STK32B: variants seen among roughly 807,000 people sequenced by gnomAD.
STK32B encodes the protein serine/threonine kinase 32B, also known as serine/threonine-protein kinase 32B.
A neutral mutation model predicts 52.6 loss-of-function variants in STK32B; 43 were observed. The observed-to-expected ratio is 0.82, with a 90% CI of 0.64 to 1.05. STK32B has a LOEUF of 1.05. Ranked by LOEUF, STK32B falls within the 50% of genes least tolerant of loss-of-function variation. The probability of loss-of-function intolerance (pLI) is 0.00; values close to 1 mark genes in which losing one functional copy is unlikely to be tolerated. For synonymous variants in STK32B, 238 were observed against 204.3 expected (o/e 1.17, Z -1.41); for missense variants, 621 against 534.6 (o/e 1.16, Z -1.59).
chr4:5,093,312 C>T (rs921132068), intron 1 of STK32B, among the ~76,000 whole-genome samples: 4 of 152,082 alleles, frequency 2.6e-5, no homozygotes, highest in Non-Finnish European at 4.4e-5. Flanking sequence ...TCAAAAGAAA[C>T]GTAAACAAAT....
intron 4 of STK32B, among the ~76,000 whole-genome samples, chr4:5,364,020 C>T (rs1029928630): frequency 4.6e-5 from 7 of 151,242 alleles, no homozygotes; most frequent in Non-Finnish European, 8.8e-5. Flanking sequence ...TTGATCCATC[C>T]CCCTGCTGGA....
intron 4 of STK32B, among the ~76,000 whole-genome samples, chr4:5,361,688 G>A (rs80156170): frequency 6.6e-6 from 1 of 152,190 alleles, no homozygotes; most frequent in African/African-American, 2.4e-5. Flanking sequence ...CTAGAATTCT[G>A]TAATAAAGAG....
chr4:5,120,103 T>G (rs1008340242), intron 1 of STK32B, among the ~76,000 whole-genome samples: 1 of 152,214 alleles, frequency 6.6e-6, no homozygotes, highest in African/African-American at 2.4e-5. Context: ...TCCTGCTCAG[T>G]TCCACCCAGG....
At chr4:5,439,810 C>G (rs1714529682) in intron 6 of STK32B, among the ~76,000 whole-genome samples, 1 of 151,748 alleles carries the variant, frequency 6.6e-6, no homozygotes, top group Non-Finnish European at 1.5e-5. Context: ...CCAGTTTCAG[C>G]TTTCTCCATA....
At chr4:5,085,398 T>C (rs1712676754) in intron 1 of STK32B, among the ~76,000 whole-genome samples, 1 of 152,236 alleles carries the variant, frequency 6.6e-6, no homozygotes, top group African/African-American at 2.4e-5. Flanking sequence ...TGATAAATTG[T>C]GCAGTAAGGA....
intron 4 of STK32B, among the ~76,000 whole-genome samples, chr4:5,373,728 T>A (rs1460047052): frequency 6.6e-6 from 1 of 152,190 alleles, no homozygotes; most frequent in African/African-American, 2.4e-5. Context: ...CCCACCGATT[T>A]TGTCCCAGAT....
intron 3 of STK32B, among the ~76,000 whole-genome samples, chr4:5,188,523 T>C (rs1720924026): frequency 6.6e-6 from 1 of 152,118 alleles, no homozygotes; most frequent in Non-Finnish European, 1.5e-5. Context: ...TCTCTGGAAA[T>C]CTGCAAGGCA....
intron 1 of STK32B, among the ~76,000 whole-genome samples, chr4:5,053,727 A>G (rs1741879351): frequency 6.6e-6 from 1 of 152,156 alleles, no homozygotes; most frequent in Non-Finnish European, 1.5e-5. Context: ...TCATGCCTGT[A>G]ATCCCAGTAC....
intron 3 of STK32B, among the ~76,000 whole-genome samples, chr4:5,275,410 T>C (rs1289778803): frequency 1.3e-5 from 2 of 152,224 alleles, no homozygotes; most frequent in African/African-American, 2.4e-5. Flanking sequence ...CACTAATCAA[T>C]TTTGATGCAA....
intron 11 of STK32B, among the ~76,000 whole-genome samples, chr4:5,491,957 T>G (rs551412857): frequency 6.6e-6 from 1 of 152,324 alleles, no homozygotes; most frequent in East Asian, 1.9e-4. Context: ...TTGGTACCAG[T>G]ACCATGCTGT....
intron 11 of STK32B, among the ~76,000 whole-genome samples, chr4:5,489,437 T>C (rs766814963): frequency 6.6e-6 from 1 of 152,164 alleles, no homozygotes; most frequent in Non-Finnish European, 1.5e-5. Context: ...ATTCTATTCA[T>C]CAAGTAATTG....
At chr4:5,240,659 C>T (rs896362396) in intron 3 of STK32B, among the ~76,000 whole-genome samples, 3 of 152,104 alleles carry the variant, frequency 2.0e-5, no homozygotes, top group African/African-American at 7.2e-5. Context: ...GTGGTTTCAC[C>T]ATGTTGGCCA....
At chr4:5,351,396 A>G (rs1180050750) in intron 4 of STK32B, among the ~76,000 whole-genome samples, 2 of 152,132 alleles carry the variant, frequency 1.3e-5, no homozygotes, top group African/African-American at 4.8e-5. Context: ...GGAGAAAGTC[A>G]AAATACTTCT....
rs551634737 is a variant in STK32B at position 5,376,946 on chromosome 4, C to T, written c.435-21261C>T. Among the ~76,000 whole-genome samples, 173 of 152,246 alleles carry T rather than the reference C, an allele frequency of 1.1e-3. 1 individual carries two copies. The highest frequency in any genetic ancestry group is 3.9e-3 in the African/African-American group (164 of 41,546). ...CCCTGCAGTCTGCCCAGGGCCTCTG[C>T]CCCTGCTTCAATTTCTGGTTAGTTC... On this transcript the variant is annotated intron_variant, in intron 4 of 11. Coordinates refer to ENST00000282908, the MANE Select transcript of STK32B (RefSeq NM_018401.3).
intron 3 of STK32B, among the ~76,000 whole-genome samples, chr4:5,208,274 G>C (rs73208979): frequency 0.025 from 3,831 of 152,252 alleles, 88 homozygotes; most frequent in Non-Finnish European, 0.04. Flanking sequence ...CAGCCACAGG[G>C]AGTCAGAAAA....
chr4:5,460,491 G>A lies in STK32B; in HGVS notation c.909+263G>A, dbSNP rs1179414236. Among the ~76,000 whole-genome samples, 1 of 152,156 alleles carries A rather than the reference G, an allele frequency of 6.6e-6. No individual in the cohort carries two copies. On this transcript the variant is annotated intron_variant, in intron 9 of 11. Coordinates refer to ENST00000282908, the MANE Select transcript of STK32B (RefSeq NM_018401.3). The surrounding 1 kb of genome is among the most constrained non-coding windows in gnomAD (Gnocchi z 4.8). ...CTGAATCCCACCTCCAGGTGCTCAG[G>A]TCCAGGTGTGGGGATAGCAGGCTGA...
chr4:5,141,682 G>GT (rs897695085), intron 2 of STK32B, among the ~76,000 whole-genome samples: 43 of 152,120 alleles, frequency 2.8e-4, no homozygotes, highest in African/African-American at 1.0e-3. Context: ...AGTGCTGGGG[G>GT]TGGTGAGAAA....
At chr4:5,024,451 G>C in the STK32B span, among the ~76,000 whole-genome samples, 2 of 152,300 alleles carry the variant, frequency 1.3e-5, no homozygotes, top group East Asian at 3.9e-4. Flanking sequence ...CCAATTCCTT[G>C]TACTAAATCT....
chr4:5,114,817 G>A (rs1714626123), intron 1 of STK32B, among the ~76,000 whole-genome samples: 1 of 152,166 alleles, frequency 6.6e-6, no homozygotes. Flanking sequence ...CTAACTGGGA[G>A]AACCCAGGCT....
Sources: gnomAD v4.1 joint callset for allele counts (sites outside exome capture counted in the v4.1 genomes callset) on GRCh38, gnomAD v4.1.1 for gene constraint, Gnocchi (gnomAD v3.1) non-coding constraint, MANE v1.5 for transcripts, NCBI Gene and HGNC (gene_info 2026-07-23, HGNC 2026-07-21) for gene names.